Variants in SPMAP2L observed in about 807,000 individuals in gnomAD.
SPMAP2L encodes sperm microtubule associated protein 2 like, also known as sperm microtubule associated protein 2-like.
chr4:56,593,178 A>C, the SPMAP2L span: 2 of 1,538,210 alleles, frequency 1.3e-6, no homozygotes, highest in South Asian at 2.2e-5. Context: ...GGGAGGCTGG[A>C]GAGTTTACTC....
chr4:56,611,226 A>G, the SPMAP2L span, among the ~76,000 whole-genome samples: 1 of 152,244 alleles, frequency 6.6e-6, no homozygotes, highest in East Asian at 1.9e-4. Flanking sequence ...GGATAAAGAA[A>G]CTGGTATATG....
At chr4:56,542,430 C>T in the SPMAP2L span, among the ~76,000 whole-genome samples, 2 of 150,764 alleles carry the variant, frequency 1.3e-5, no homozygotes, top group Non-Finnish European at 2.9e-5. Context: ...TAAACTTCTG[C>T]TTGTTTTTCT....
At chr4:56,543,971 T>C in the SPMAP2L span, among the ~76,000 whole-genome samples, 1 of 91,818 alleles carries the variant, frequency 1.1e-5, no homozygotes, top group East Asian at 3.8e-4. Flanking sequence ...TGTGTGTGTA[T>C]GTGAGAGAGA....
the SPMAP2L span, among the ~76,000 whole-genome samples, chr4:56,587,315 CT>C: frequency 1.3e-5 from 2 of 151,888 alleles, no homozygotes; most frequent in African/African-American, 2.4e-5. Context: ...CAACTTTTTT[CT>C]TTTTTTGTGA....
chr4:56,557,459 T>C, the SPMAP2L span, among the ~76,000 whole-genome samples: 1 of 152,176 alleles, frequency 6.6e-6, no homozygotes, highest in Non-Finnish European at 1.5e-5. Context: ...TGAAGGCTGA[T>C]TTCTAAATTC....
chr4:56,551,175 T>A, the SPMAP2L span, among the ~76,000 whole-genome samples: 1 of 152,178 alleles, frequency 6.6e-6, no homozygotes. Context: ...TTGGAGCCCA[T>A]TAAAGAGCTC....
the SPMAP2L span, among the ~76,000 whole-genome samples, chr4:56,621,234 G>A: frequency 4.6e-5 from 7 of 152,224 alleles, no homozygotes; most frequent in East Asian, 1.2e-3. Context: ...AAAATGAAAA[G>A]CAACATGAAA....
chr4:56,575,686 C>T, the SPMAP2L span: 5 of 1,514,438 alleles, frequency 3.3e-6, no homozygotes, highest in East Asian at 2.5e-5. Flanking sequence ...TCTAATTTGG[C>T]CAGATGTCTT....
At chr4:56,593,560 C>T in the SPMAP2L span, 1 of 1,601,736 alleles carries the variant, frequency 6.2e-7, no homozygotes, top group Non-Finnish European at 8.6e-7. Flanking sequence ...CTTTGTGCAT[C>T]TTGAGGCCAC....
At chr4:56,584,575 C>T in the SPMAP2L span, 1 of 1,535,360 alleles carries the variant, frequency 6.5e-7, no homozygotes. Context: ...TCTCAGTAGC[C>T]AAAGGCACAG....
the SPMAP2L span, among the ~76,000 whole-genome samples, chr4:56,555,164 C>G: frequency 6.6e-6 from 1 of 152,102 alleles, no homozygotes; most frequent in African/African-American, 2.4e-5. Context: ...GTCTCGAACT[C>G]CTGACCTCAG....
At chr4:56,548,749 T>C in the SPMAP2L span, 19 of 1,386,402 alleles carry the variant, frequency 1.4e-5, no homozygotes, top group Non-Finnish European at 1.8e-5. Flanking sequence ...CTTTGATTCC[T>C]GTTGAATCTA....
chr4:56,571,174 A>C, the SPMAP2L span, among the ~76,000 whole-genome samples: 1 of 151,678 alleles, frequency 6.6e-6, no homozygotes, highest in Non-Finnish European at 1.5e-5. Flanking sequence ...AATAACACTT[A>C]GCTTAAAACA....
At chr4:56,563,900 T>C in the SPMAP2L span, among the ~76,000 whole-genome samples, 1 of 152,224 alleles carries the variant, frequency 6.6e-6, no homozygotes, top group Non-Finnish European at 1.5e-5. Flanking sequence ...GGTGTCCTCA[T>C]AGAATCAATT....
chr4:56,601,129 A>C, the SPMAP2L span: 4 of 1,528,408 alleles, frequency 2.6e-6, no homozygotes, highest in Non-Finnish European at 3.5e-6. Flanking sequence ...TTTCAGGCTA[A>C]AGTGGGACAG....
At chr4:56,575,471 T>C in the SPMAP2L span, 1 of 1,531,556 alleles carries the variant, frequency 6.5e-7, no homozygotes, top group Non-Finnish European at 8.7e-7. Context: ...TCATGCTTGT[T>C]TCGTTTACTT....
At chr4:56,617,106 G>A in the SPMAP2L span, among the ~76,000 whole-genome samples, 4 of 152,148 alleles carry the variant, frequency 2.6e-5, no homozygotes, top group African/African-American at 9.7e-5. Flanking sequence ...GTGTCACTAG[G>A]TGATTTTGTC....
At chr4:56,530,657 G>A in the SPMAP2L span, 2 of 1,529,540 alleles carry the variant, frequency 1.3e-6, no homozygotes. Flanking sequence ...TCCCGCGCGC[G>A]ACAGAAGCTT....
At chr4:56,614,184 A>G in the SPMAP2L span, among the ~76,000 whole-genome samples, 2 of 152,236 alleles carry the variant, frequency 1.3e-5, no homozygotes, top group Non-Finnish European at 2.9e-5. Flanking sequence ...AGGATTTCCA[A>G]CAGAGCCTTG....
Sources: gnomAD v4.1 joint callset for allele counts (sites outside exome capture counted in the v4.1 genomes callset) on GRCh38, gnomAD v4.1.1 for gene constraint, MANE v1.5 for transcripts, NCBI Gene and HGNC (gene_info 2026-07-23, HGNC 2026-07-21) for gene names.